TBC1D22A: variants seen among roughly 807,000 people sequenced by gnomAD.
TBC1D22A encodes putative GTPase activator.
In TBC1D22A, 38 loss-of-function variants were observed where a neutral mutation model predicts 60.2. That is an observed-to-expected ratio of 0.63 (90% CI 0.49 to 0.83). The LOEUF is 0.83. Ranked by LOEUF, TBC1D22A falls within the 40% of genes least tolerant of loss-of-function variation. The pLI is 0.00. For synonymous variants in TBC1D22A, 302 were observed against 281.7 expected (o/e 1.07, Z -0.72); for missense variants, 628 against 701.0 (o/e 0.90, Z 1.18).
intron 1 of TBC1D22A, among the ~76,000 whole-genome samples, chr22:46,781,350 A>G (rs912471693): frequency 6.6e-6 from 1 of 151,692 alleles, no homozygotes; most frequent in East Asian, 1.9e-4. Context: ...TAATTTTTAT[A>G]TTTTTTATAG....
intron 12 of TBC1D22A, among the ~76,000 whole-genome samples, chr22:47,129,256 A>G (rs1186864378): frequency 2.0e-5 from 3 of 152,246 alleles, no homozygotes; most frequent in Non-Finnish European, 2.9e-5. Context: ...AGGCCGGCAG[A>G]TCACGAGGTC....
In TBC1D22A at chr22:46,915,109, A is replaced by G. The variant is rs1414199855; in HGVS notation, c.1015+2921A>G. ...GGCGGCTTGGGCTGCAGTGCTGAGA[A>G]GGAGAAGCTTGGGGTCGAGTCCCAG... On this transcript the variant is annotated intron_variant, in intron 8 of 12. Transcript: ENST00000337137. The G allele has an allele frequency of 5.4e-5, 16 of 297,238 alleles. No individual in the cohort carries two copies. The East Asian group carries it at 1.3e-3, about 23-fold the overall frequency. The allele number at this position is 297,238 out of a possible 1,614,324, so 18.4% of individuals were successfully genotyped here.
intron 11 of TBC1D22A, among the ~76,000 whole-genome samples, chr22:47,070,376 T>G (rs547391193): frequency 2.8e-5 from 4 of 143,258 alleles, no homozygotes; most frequent in Middle Eastern, 4.5e-3. Context: ...GGCTGTTCCC[T>G]GTTGTTTGGT....
chr22:46,787,844 G>A (rs1381286507), intron 1 of TBC1D22A, among the ~76,000 whole-genome samples: 1 of 152,026 alleles, frequency 6.6e-6, no homozygotes, highest in Non-Finnish European at 1.5e-5. Context: ...GTGAATCTCT[G>A]GGTGGTGTCT....
At chr22:46,798,190 G>A (rs1185207163) in intron 4 of TBC1D22A, among the ~76,000 whole-genome samples, 1 of 152,232 alleles carries the variant, frequency 6.6e-6, no homozygotes. Context: ...CTGTTTTCCT[G>A]TTGTCCCATT....
chr22:46,970,655 C>A (rs1282256519), intron 8 of TBC1D22A, among the ~76,000 whole-genome samples: 2 of 152,166 alleles, frequency 1.3e-5, no homozygotes, highest in African/African-American at 4.8e-5. Context: ...GCATGCCTGG[C>A]GGACAGTGTG....
intron 11 of TBC1D22A, among the ~76,000 whole-genome samples, chr22:47,083,761 A>C (rs1359107870): frequency 6.6e-6 from 1 of 152,164 alleles, no homozygotes; most frequent in African/African-American, 2.4e-5. Flanking sequence ...AAGATATTCA[A>C]ATGGCCATCA....
intron 4 of TBC1D22A, among the ~76,000 whole-genome samples, chr22:46,856,342 G>A (rs2087568362): frequency 6.6e-6 from 1 of 152,250 alleles, no homozygotes; most frequent in South Asian, 2.1e-4. Flanking sequence ...GCCAGGTACT[G>A]TTACCAGCAA....
chr22:47,019,450 G>A (rs1006530767), intron 10 of TBC1D22A, among the ~76,000 whole-genome samples: 1 of 152,248 alleles, frequency 6.6e-6, no homozygotes, highest in Non-Finnish European at 1.5e-5. Context: ...TTCTGTGACA[G>A]CGAGCGTGAA....
intron 4 of TBC1D22A, among the ~76,000 whole-genome samples, chr22:46,837,701 C>T (rs1344074896): frequency 6.6e-6 from 1 of 152,056 alleles, no homozygotes. Flanking sequence ...TACAGCATAC[C>T]AACACTTCTC....
chr22:47,072,848 G>T (rs1263344126), intron 11 of TBC1D22A, among the ~76,000 whole-genome samples: 1 of 152,218 alleles, frequency 6.6e-6, no homozygotes, highest in African/African-American at 2.4e-5. Flanking sequence ...TTGTTCATCA[G>T]ACCTGCCCTG....
chr22:47,007,049 C>A (rs369042901), intron 10 of TBC1D22A, among the ~76,000 whole-genome samples: 1 of 152,132 alleles, frequency 6.6e-6, no homozygotes, highest in African/African-American at 2.4e-5. Context: ...CTCGATGGTG[C>A]GGTACACCTG....
At chr22:46,784,309 C>T (rs571886620) in intron 1 of TBC1D22A, among the ~76,000 whole-genome samples, 23 of 152,242 alleles carry the variant, frequency 1.5e-4, no homozygotes, top group African/African-American at 4.6e-4. Flanking sequence ...TCAAGTGATC[C>T]GCCAGCCTCC....
intron 4 of TBC1D22A, among the ~76,000 whole-genome samples, chr22:46,811,941 C>A (rs944462952): frequency 6.6e-6 from 1 of 152,116 alleles, no homozygotes; most frequent in East Asian, 1.9e-4. Context: ...ACCCTCAGAC[C>A]GTCCAGCTAC....
chr22:46,848,390 G>T (rs2087116549), intron 4 of TBC1D22A, among the ~76,000 whole-genome samples: 1 of 152,206 alleles, frequency 6.6e-6, no homozygotes, highest in Admixed American at 6.5e-5. Context: ...GTGATTCTAG[G>T]CTCATGAACT....
intron 8 of TBC1D22A, among the ~76,000 whole-genome samples, chr22:46,934,360 G>A (rs1252609030): frequency 6.6e-6 from 1 of 152,220 alleles, no homozygotes; most frequent in Non-Finnish European, 1.5e-5. Context: ...TCGTGCTCTG[G>A]GGTGTGTGGT....
At chr22:47,026,082 C>T (rs1440670354) in intron 10 of TBC1D22A, among the ~76,000 whole-genome samples, 1 of 152,122 alleles carries the variant, frequency 6.6e-6, no homozygotes, top group African/African-American at 2.4e-5. Flanking sequence ...GATTTTCAGT[C>T]AATGTAATTC....
At chr22:47,000,667 T>G (rs1158426123) in intron 10 of TBC1D22A, among the ~76,000 whole-genome samples, 1 of 151,966 alleles carries the variant, frequency 6.6e-6, no homozygotes, top group Non-Finnish European at 1.5e-5. Context: ...TTGTATGAGT[T>G]CCCACAGAAT....
At chr22:47,115,258 A>G (rs571974674) in intron 12 of TBC1D22A, among the ~76,000 whole-genome samples, 10 of 152,172 alleles carry the variant, frequency 6.6e-5, no homozygotes, top group Non-Finnish European at 1.5e-4. Flanking sequence ...GGTTGCCCTC[A>G]GGCACATGCC....
Sources: allele counts gnomAD v4.1 joint callset (sites outside exome capture counted in the v4.1 genomes callset), GRCh38; gene constraint gnomAD v4.1.1; transcripts MANE v1.5; gene names NCBI Gene and HGNC (gene_info 2026-07-23, HGNC 2026-07-21).